The following B4GALT1 variants were observed in gnomAD, a reference collection of about 807,000 sequenced individuals.
The protein encoded by B4GALT1 is N-acetyllactosamine synthase.
B4GALT1 carries 16 observed loss-of-function variants against 34.9 expected under a neutral mutation model. The ratio of observed to expected loss-of-function variants is 0.46; its 90% confidence interval spans 0.31 to 0.70. B4GALT1 has a LOEUF of 0.70. B4GALT1 is among the 30% of genes least tolerant of loss of function. B4GALT1 has a pLI of 0.05. For synonymous variants in B4GALT1, 221 were observed against 218.1 expected (o/e 1.01, Z -0.12); for missense variants, 445 against 530.5 (o/e 0.84, Z 1.58).
chr9:33,167,820 C>T (rs1431580195), upstream of B4GALT1, among the ~76,000 whole-genome samples: 2 of 152,180 alleles, frequency 1.3e-5, no homozygotes, highest in Non-Finnish European at 2.9e-5. Flanking sequence ...AAAAAGGTTA[C>T]CCAGGAAACG....
intron 1 of B4GALT1, among the ~76,000 whole-genome samples, chr9:33,138,029 G>A (rs182899882): frequency 1.4e-3 from 220 of 152,366 alleles, no homozygotes; most frequent in Non-Finnish European, 2.2e-3. Context: ...ACATAACCGC[G>A]TTTTGGGGAA....
In B4GALT1 at chr9:33,144,786, C is replaced by T. The variant is rs559714677; in HGVS notation, c.413-9362G>A. ...CAGAGATGAGGCACCAGTCGACCTGCCTGCTTCCTCCCTTAGAATCTTGAC... is the reference window on the plus strand; with the variant it reads ...CAGAGATGAGGCACCAGTCGACCTGTCTGCTTCCTCCCTTAGAATCTTGAC... On this transcript the variant is annotated intron_variant, in intron 1 of 5. Coordinates refer to ENST00000379731, the MANE Select transcript of B4GALT1 (RefSeq NM_001497.4). Among the ~76,000 whole-genome samples the T allele has an allele frequency of 2.0e-5, 3 of 152,288 alleles. No individual in the cohort carries two copies. The South Asian group carries it at 6.2e-4, about 32-fold the overall frequency.
chr9:33,152,918 G>A (rs887782468), intron 1 of B4GALT1, among the ~76,000 whole-genome samples: 25 of 152,124 alleles, frequency 1.6e-4, no homozygotes, highest in African/African-American at 6.0e-4. Flanking sequence ...AAATGGGCAA[G>A]CCAGCCATGG....
chr9:33,170,613 A>G (rs1244336870), upstream of B4GALT1, among the ~76,000 whole-genome samples: 1 of 152,228 alleles, frequency 6.6e-6, no homozygotes, highest in Non-Finnish European at 1.5e-5. Flanking sequence ...AGGAAAAGGA[A>G]CAACACTTGC....
intron 2 of B4GALT1, among the ~76,000 whole-genome samples, chr9:33,121,429 C>T (rs1840018661): frequency 6.6e-6 from 1 of 151,926 alleles, no homozygotes; most frequent in Non-Finnish European, 1.5e-5. Flanking sequence ...ATGGTATGAT[C>T]TTGGCTCACT....
At chr9:33,115,730 C>A (rs1314875299) in intron 4 of B4GALT1, among the ~76,000 whole-genome samples, 1 of 152,204 alleles carries the variant, frequency 6.6e-6, no homozygotes, top group Non-Finnish European at 1.5e-5. Flanking sequence ...AAACGGCATG[C>A]AGCAAGTCAA....
chr9:33,116,259 G>T, intron 3 of B4GALT1, 146 bp from the exon 4 acceptor site: 1 of 1,081,740 alleles, frequency 9.2e-7, no homozygotes, highest in Non-Finnish European at 1.3e-6. Context: ...TTGAGACGTA[G>T]TCTTGCTCTG....
chr9:33,133,145 C>T lies in B4GALT1; in HGVS notation c.648+2044G>A, dbSNP rs544903447. On this transcript the variant is annotated intron_variant, in intron 2 of 5. Transcript: ENST00000379731. ...CTTGAACTCCTGACTTCAAGTGATC[C>T]GCCTGCCTTGGCCTCCCAAAGTGCT... is the stretch of plus-strand genomic sequence containing the variant. 1.1e-4 allele frequency among the ~76,000 whole-genome samples: 17 copies of T among 152,310 alleles called. No homozygotes were observed. In the South Asian group the frequency reaches 1.2e-3, roughly 11 times the overall value.
Position 33,144,170 on chromosome 9 carries a change from C to A in B4GALT1, c.413-8746G>T, listed in dbSNP as rs559620922. On this transcript the variant is annotated intron_variant, in intron 1 of 5. Coordinates refer to ENST00000379731, the MANE Select transcript of B4GALT1 (RefSeq NM_001497.4). Reference sequence around the variant, plus strand: ...AAGTGTTGGGATTACAGGCATGAGCCACTGTGCCTGACTAAATATCTACCT... The same window carrying A: ...AAGTGTTGGGATTACAGGCATGAGCAACTGTGCCTGACTAAATATCTACCT... Among the ~76,000 whole-genome samples the A allele has an allele frequency of 7.9e-5, 12 of 152,248 alleles. No individual in the cohort carries two copies. The East Asian group carries it at 2.3e-3, about 29-fold the overall frequency.
chr9:33,140,218 C>G lies in B4GALT1; in HGVS notation c.413-4794G>C, dbSNP rs532608212. 3.3e-5 allele frequency among the ~76,000 whole-genome samples: 5 copies of G among 152,348 alleles called. No homozygotes were observed. The South Asian group carries it at 1.0e-3, about 32-fold the overall frequency. ...AATCCTTTAGCCTCAGCAAAATAGG[C>G]TGAAACATCTAGTCACTGTTTGTCA... On this transcript the variant is annotated intron_variant, in intron 1 of 5. Coordinates refer to ENST00000379731, the MANE Select transcript of B4GALT1 (RefSeq NM_001497.4).
chr9:33,175,020 T>TATATATATATATATATATATA, the B4GALT1 span, among the ~76,000 whole-genome samples: 1 of 39,076 alleles, frequency 2.6e-5, no homozygotes, highest in Non-Finnish European at 5.6e-5. Flanking sequence ...TATATATATA[T>TATATATATATATATATATATA]AAAATTGGAG....
chr9:33,181,409 G>A, the B4GALT1 span, among the ~76,000 whole-genome samples: 1 of 116,390 alleles, frequency 8.6e-6, no homozygotes, highest in Admixed American at 8.8e-5. Context: ...GGGCAACAGA[G>A]CAAGACCCTG....
At position 33,130,104 on chromosome 9, in the gene B4GALT1, TGTGTACTGGCTGTGGGGCAAA is replaced by T. The variant is rs961627617; in HGVS notation, c.648+5064_648+5084del. Among the ~76,000 whole-genome samples, 18 of 152,316 alleles carry T rather than the reference TGTGTACTGGCTGTGGGGCAAA, an allele frequency of 1.2e-4. No homozygotes were observed. The South Asian group carries it at 3.7e-3, about 32-fold the overall frequency. On this transcript the variant is annotated intron_variant, in intron 2 of 5. Transcript: ENST00000379731. ...CAATCGGAATTGGAGAGACCAGTTC[TGTGTACTGGCTGTGGGGCAAA>T]GGGCTGCCATGGTTGTGACAAACCC...
chr9:33,107,491 C>A (rs918283745), downstream of B4GALT1, among the ~76,000 whole-genome samples: 1 of 152,170 alleles, frequency 6.6e-6, no homozygotes, highest in Non-Finnish European at 1.5e-5. Context: ...CAGGGAGGCG[C>A]CACTCATTCA....
chr9:33,132,094 A>C (rs571221708), intron 2 of B4GALT1, among the ~76,000 whole-genome samples: 2 of 152,238 alleles, frequency 1.3e-5, no homozygotes, highest in Non-Finnish European at 2.9e-5. Context: ...GAAGGAAAGG[A>C]TGAAGAGAAA....
At chr9:33,129,981 C>T (rs1019176371) in intron 2 of B4GALT1, among the ~76,000 whole-genome samples, 2 of 151,850 alleles carry the variant, frequency 1.3e-5, no homozygotes, top group African/African-American at 4.8e-5. Flanking sequence ...TGTAGGCAGT[C>T]GTGAAATGCT....
chr9:33,157,725 A>C (rs1394711637), intron 1 of B4GALT1, among the ~76,000 whole-genome samples: 1 of 152,192 alleles, frequency 6.6e-6, no homozygotes, highest in Non-Finnish European at 1.5e-5. Context: ...ACTAAAAAAA[A>C]AAAAGGTCCT....
intron 1 of B4GALT1, 36 bp downstream of exon 1, chr9:33,166,722 C>A: frequency 6.7e-7 from 1 of 1,483,582 alleles, no homozygotes; most frequent in Non-Finnish European, 8.9e-7. Context: ...CCGGGGGGGT[C>A]CCAATCCTCC....
downstream of B4GALT1, among the ~76,000 whole-genome samples, chr9:33,109,231 CAGA>C (rs1348150213): frequency 3.3e-5 from 5 of 152,278 alleles, no homozygotes; most frequent in Admixed American, 2.0e-4. Flanking sequence ...CCATAAAAAC[CAGA>C]AGGACAGGGT....
Sources: allele counts gnomAD v4.1 joint callset (sites outside exome capture counted in the v4.1 genomes callset), GRCh38; gene constraint gnomAD v4.1.1; transcripts MANE v1.5; gene names NCBI Gene and HGNC (gene_info 2026-07-23, HGNC 2026-07-21).